Variants in ARFGEF3 observed in about 807,000 individuals in gnomAD.
The protein encoded by ARFGEF3 is ARFGEF family member 3, also known as brefeldin A-inhibited guanine nucleotide-exchange protein 3.
A neutral mutation model predicts 221.7 loss-of-function variants in ARFGEF3; 96 were observed. The ratio of observed to expected loss-of-function variants is 0.43; its 90% confidence interval spans 0.37 to 0.51. The LOEUF (loss-of-function observed/expected upper bound fraction) is 0.51. Among genes scored for constraint, ARFGEF3 ranks in the 20% least tolerant of loss-of-function variants. The pLI, the probability that ARFGEF3 is intolerant of heterozygous loss-of-function variation, is 0.00. For missense variants in ARFGEF3, 2,410 were observed against 2,789.9 expected, an observed-to-expected ratio of 0.86 and a Z score of 3.07; for synonymous variants, 1,145 against 1,126.8, an observed-to-expected ratio of 1.02 and a Z score of -0.32.
intron 12 of ARFGEF3, among the ~76,000 whole-genome samples, chr6:138,264,742 A>G (rs1171268130): frequency 6.6e-6 from 1 of 152,144 alleles, no homozygotes; most frequent in Non-Finnish European, 1.5e-5. Context: ...ACACACATAC[A>G]TGAAAAAATT....
At chr6:138,238,003 T>C (rs1042982339) in intron 5 of ARFGEF3, among the ~76,000 whole-genome samples, 3 of 152,218 alleles carry the variant, frequency 2.0e-5, no homozygotes, top group Admixed American at 6.5e-5. Flanking sequence ...TAAGCCATGC[T>C]ACCTAGTAAC....
chr6:138,262,302 G>A (rs759680321), intron 11 of ARFGEF3, among the ~76,000 whole-genome samples: 1 of 149,116 alleles, frequency 6.7e-6, no homozygotes, highest in Non-Finnish European at 1.5e-5. Flanking sequence ...TGATTCTCCT[G>A]TCTCAGCTTC....
intron 4 of ARFGEF3, among the ~76,000 whole-genome samples, chr6:138,220,201 C>A (rs1012183567): frequency 6.6e-6 from 1 of 152,050 alleles, no homozygotes; most frequent in African/African-American, 2.4e-5. Flanking sequence ...CAAGGTTTTG[C>A]CATGTTTCCC....
Position 138,280,022 on chromosome 6 carries a change from G to T in ARFGEF3, c.2319G>T (p.Gln773His). 1 of 1,613,950 alleles carries T rather than the reference G, an allele frequency of 6.2e-7. No homozygotes were observed. Among genetic ancestry groups the T allele is most frequent in the South Asian group, 1.1e-5 (1 of 91,064 alleles). The change falls in exon 14 of 34, where the codon CAG becomes CAT. Residue 773 changes from glutamine to histidine, a missense_variant. Coordinates refer to ENST00000251691, the MANE Select transcript of ARFGEF3 (RefSeq NM_020340.5). The stretch of plus-strand genomic sequence containing the variant: ...AGAAGGACTTCATGAAGCAGGTGCA[G>T]ACCAGCGGCGTGCTGATGGTCTTCT... Reference protein sequence around the residue: ...GVMKDFMKQVQTSGVLMVFSQ... With the variant: ...GVMKDFMKQVHTSGVLMVFSQ...
At chr6:138,322,313 T>C (rs1780046578) in intron 29 of ARFGEF3, among the ~76,000 whole-genome samples, 1 of 152,218 alleles carries the variant, frequency 6.6e-6, no homozygotes, top group Non-Finnish European at 1.5e-5. Flanking sequence ...GAACTCATTA[T>C]AACCATCAGA....
chr6:138,294,906 T>C (rs1412670363), intron 20 of ARFGEF3, among the ~76,000 whole-genome samples: 1 of 152,230 alleles, frequency 6.6e-6, no homozygotes, highest in African/African-American at 2.4e-5. Context: ...CTTCTATCCT[T>C]AGGAATCTAA....
Position 138,303,878 on chromosome 6 carries a change from AAAAAAAAAAAG to A in ARFGEF3, c.3829-3373_3829-3363del, listed in dbSNP as rs1243611795. 2.6e-4 allele frequency among the ~76,000 whole-genome samples: 39 copies of A among 150,386 alleles called. 2 individuals carry two copies. The highest frequency in any genetic ancestry group is 4.4e-5 in the Non-Finnish European group (3 of 67,596). ...TCCGTCTCAAAAAAAAAAAAAAAAA[AAAAAAAAAAAG>A]ATAATAGCAAGTGTTGGTGAGGGAG... On this transcript the variant is annotated intron_variant, in intron 22 of 33. Transcript: ENST00000251691.
intron 17 of ARFGEF3, among the ~76,000 whole-genome samples, chr6:138,288,450 A>G (rs1245232056): frequency 2.0e-5 from 3 of 151,510 alleles, no homozygotes. Context: ...TTGGGAGGCT[A>G]AGGTGGGCGG....
intron 1 of ARFGEF3, among the ~76,000 whole-genome samples, chr6:138,164,230 A>G (rs911102662): frequency 1.3e-5 from 2 of 152,008 alleles, no homozygotes; most frequent in Non-Finnish European, 2.9e-5. Context: ...CAACCCCCCA[A>G]TTTATTTCTA....
At chr6:138,276,080 T>C (rs1479573236) in intron 12 of ARFGEF3, among the ~76,000 whole-genome samples, 12 of 152,064 alleles carry the variant, frequency 7.9e-5, no homozygotes, top group Non-Finnish European at 1.8e-4. Flanking sequence ...ATTGAAAATC[T>C]CTCAAGGTGC....
At position 138,334,994 on chromosome 6, in the gene ARFGEF3, A is replaced by C; in HGVS notation, c.6148A>C (p.Lys2050Gln). ...AFPKEVKVEK[K>Q]GEPLGPRGQD... ...CCCCAAAGAGGTCAAAGTGGAGAAG[A>C]AAGGAGAGCCACTGGGTCCCAGGGG... The change falls in exon 33 of 34, where the codon AAA becomes CAA. Residue 2050 changes from lysine (K) to glutamine (Q), a missense_variant. By Grantham distance (53) the Lys-to-Gln change is moderately conservative (BLOSUM62 1). Transcript: ENST00000251691. The surrounding 1 kb of genome is among the most constrained non-coding windows in gnomAD (Gnocchi z 5.1). 6.3e-7 allele frequency: 1 copy of C among 1,586,314 alleles called. No homozygotes were observed. The highest frequency in any genetic ancestry group is 8.6e-7 in the Non-Finnish European group (1 of 1,167,012).
intron 12 of ARFGEF3, among the ~76,000 whole-genome samples, chr6:138,272,250 G>A (rs937805515): frequency 5.9e-5 from 9 of 152,136 alleles, no homozygotes; most frequent in Admixed American, 5.9e-4. Flanking sequence ...CCGCCTCCTG[G>A]GTTCAAGCGA....
At chr6:138,320,154 G>A (rs1270956909) in intron 28 of ARFGEF3, among the ~76,000 whole-genome samples, 1 of 152,168 alleles carries the variant, frequency 6.6e-6, no homozygotes, top group Non-Finnish European at 1.5e-5. Flanking sequence ...TGGGGTACCT[G>A]TGCATTAGGA....
At position 138,308,828 on chromosome 6, in the gene ARFGEF3, A is replaced by G. The variant is rs1779773923; in HGVS notation, c.4063A>G (p.Ile1355Val). 6.2e-7 allele frequency: 1 copy of G among 1,614,070 alleles called. No homozygotes were observed. Among genetic ancestry groups the G allele is most frequent in the African/African-American group, 1.3e-5 (1 of 75,060 alleles). Residue 1355 changes from isoleucine to valine, a missense_variant, in exon 24 of 34, where the codon ATC (isoleucine) becomes GTC (valine). By Grantham distance (29) the Ile-to-Val change is conservative. Transcript: ENST00000251691. Reference protein sequence around the residue: ...QVFANAATSYIMCLMKFVKGL... With the variant: ...QVFANAATSYVMCLMKFVKGL... The stretch of plus-strand genomic sequence containing the variant: ...CTTTGCTAATGCAGCCACTAGCTAC[A>G]TCATGTGCCTTATGAAGTTTGTCAA...
intron 12 of ARFGEF3, among the ~76,000 whole-genome samples, chr6:138,273,826 A>G (rs1779046687): frequency 6.6e-6 from 1 of 152,236 alleles, no homozygotes; most frequent in Non-Finnish European, 1.5e-5. Flanking sequence ...TTCCATTATT[A>G]TCAATATCAC....
intron 32 of ARFGEF3, among the ~76,000 whole-genome samples, 193 bp downstream of exon 32, chr6:138,328,335 C>T (rs1262905866): frequency 1.3e-5 from 2 of 152,132 alleles, no homozygotes; most frequent in African/African-American, 4.8e-5. Context: ...TTAGGTTATC[C>T]GGGCTGCCAC....
chr6:138,175,220 GA>G (rs1305355447), intron 2 of ARFGEF3, among the ~76,000 whole-genome samples: 25 of 152,196 alleles, frequency 1.6e-4, no homozygotes, highest in Admixed American at 1.6e-3. Flanking sequence ...CAGGTCCAGG[GA>G]ATATGTACTA....
intron 9 of ARFGEF3, 31 bp downstream of exon 9, chr6:138,254,015 G>A (rs779181012): frequency 9.0e-6 from 13 of 1,449,712 alleles, no homozygotes; most frequent in Non-Finnish European, 1.2e-5. Flanking sequence ...CCCCGACGCT[G>A]ATGCCAACCC....
At chr6:138,313,010 T>C (rs1303333280) in intron 25 of ARFGEF3, among the ~76,000 whole-genome samples, 3 of 152,170 alleles carry the variant, frequency 2.0e-5, no homozygotes, top group Non-Finnish European at 4.4e-5. Context: ...AGGCCCAGCC[T>C]TCACTATTTC....
Sources: allele counts gnomAD v4.1 joint callset (sites outside exome capture counted in the v4.1 genomes callset), GRCh38; gene constraint gnomAD v4.1.1; non-coding constraint Gnocchi (gnomAD v3.1); transcripts MANE v1.5; gene names NCBI Gene and HGNC (gene_info 2026-07-23, HGNC 2026-07-21).